Variants in GPC6 observed in about 807,000 individuals in gnomAD.
GPC6 encodes the protein glypican 6.
Under a neutral mutation model 55.2 loss-of-function variants are expected in GPC6, and 14 were observed. That is an observed-to-expected ratio of 0.25 (90% CI 0.17 to 0.40). The LOEUF is 0.40. Among genes scored for constraint, GPC6 ranks in the 10% least tolerant of loss-of-function variants. GPC6 has a pLI of 1.00. For synonymous variants in GPC6, 278 were observed against 259.6 expected, an observed-to-expected ratio of 1.07 and a Z score of -0.68; for missense variants, 641 against 708.5, an observed-to-expected ratio of 0.90 and a Z score of 1.08.
chr13:94,099,740 G>T (rs1348038622), intron 4 of GPC6, among the ~76,000 whole-genome samples: 3 of 152,058 alleles, frequency 2.0e-5, no homozygotes, highest in Non-Finnish European at 2.9e-5. Context: ...CTTATGAAAG[G>T]GTTAGAACAA....
chr13:93,958,657 G>A (rs1016401508), intron 3 of GPC6, among the ~76,000 whole-genome samples: 5 of 151,986 alleles, frequency 3.3e-5, no homozygotes, highest in African/African-American at 1.2e-4. Context: ...CTTTTTGCTT[G>A]GGGTTGCTTT....
At chr13:94,275,812 A>G (rs1178892639) in intron 4 of GPC6, among the ~76,000 whole-genome samples, 1 of 152,160 alleles carries the variant, frequency 6.6e-6, no homozygotes, top group Non-Finnish European at 1.5e-5. Flanking sequence ...AATAGCTTTT[A>G]AACATATTAA....
At chr13:93,711,536 T>A (rs1029892019) in intron 2 of GPC6, among the ~76,000 whole-genome samples, 11 of 151,746 alleles carry the variant, frequency 7.2e-5, no homozygotes, top group Non-Finnish European at 2.9e-5. Context: ...TGTCATGGTA[T>A]AGATAAAATC....
chr13:94,161,823 A>G (rs1323632379), intron 4 of GPC6, among the ~76,000 whole-genome samples: 11 of 152,170 alleles, frequency 7.2e-5, no homozygotes, highest in Admixed American at 2.6e-4. Flanking sequence ...GGTAATTTAT[A>G]TGGAAAAAGA....
intron 4 of GPC6, among the ~76,000 whole-genome samples, chr13:94,265,254 TA>T (rs1187575591): frequency 6.6e-6 from 1 of 152,150 alleles, no homozygotes; most frequent in Non-Finnish European, 1.5e-5. Context: ...TATTAAGTAT[TA>T]AACTCACATG....
chr13:93,859,995 C>G (rs1888758277), intron 3 of GPC6, among the ~76,000 whole-genome samples: 1 of 151,692 alleles, frequency 6.6e-6, no homozygotes, highest in Admixed American at 6.6e-5. Context: ...TATTTTATTT[C>G]TTTACATTCT....
chr13:94,394,625 T>C (rs1175736985), intron 7 of GPC6, among the ~76,000 whole-genome samples: 3 of 152,188 alleles, frequency 2.0e-5, no homozygotes, highest in Non-Finnish European at 2.9e-5. Flanking sequence ...CACAGACCCT[T>C]TCCGGGGGTC....
At chr13:93,859,755 C>T (rs894304571) in intron 3 of GPC6, among the ~76,000 whole-genome samples, 2 of 151,612 alleles carry the variant, frequency 1.3e-5, no homozygotes, top group Non-Finnish European at 3.0e-5. Flanking sequence ...CTGTAGAAGG[C>T]ATCTATAGAG....
chr13:94,229,311 A>G (rs1020035456), intron 4 of GPC6, among the ~76,000 whole-genome samples: 4 of 152,188 alleles, frequency 2.6e-5, no homozygotes, highest in South Asian at 4.1e-4. Context: ...GATGAGGTGT[A>G]AGCTTACTTT....
At chr13:94,105,495 A>C (rs1886021231) in intron 4 of GPC6, among the ~76,000 whole-genome samples, 1 of 152,238 alleles carries the variant, frequency 6.6e-6, no homozygotes, top group Non-Finnish European at 1.5e-5. Context: ...TGGAGAATTA[A>C]GGTGGACCTT....
At chr13:93,813,973 T>G (rs1319637271) in intron 2 of GPC6, among the ~76,000 whole-genome samples, 1 of 152,138 alleles carries the variant, frequency 6.6e-6, no homozygotes, top group African/African-American at 2.4e-5. Flanking sequence ...CTTACAATAG[T>G]TTTGCCAGTG....
At chr13:93,921,580 C>G (rs1190857579) in intron 3 of GPC6, among the ~76,000 whole-genome samples, 2 of 151,824 alleles carry the variant, frequency 1.3e-5, no homozygotes, top group Non-Finnish European at 2.9e-5. Flanking sequence ...CTGAACTTCC[C>G]CAGCCGAATT....
intron 6 of GPC6, among the ~76,000 whole-genome samples, chr13:94,321,066 C>A (rs1178292751): frequency 5.9e-5 from 9 of 152,186 alleles, no homozygotes; most frequent in African/African-American, 1.7e-4. Flanking sequence ...CGCCTTCCTC[C>A]ATCTCGCCCC....
At chr13:93,682,630 GA>G (rs1363482829) in intron 2 of GPC6, among the ~76,000 whole-genome samples, 1 of 151,878 alleles carries the variant, frequency 6.6e-6, no homozygotes, top group African/African-American at 2.4e-5. Context: ...CCTAATAATT[GA>G]AATATTTGCT....
intron 8 of GPC6, among the ~76,000 whole-genome samples, chr13:94,401,924 C>T (rs1218039797): frequency 7.3e-6 from 1 of 137,264 alleles, no homozygotes; most frequent in African/African-American, 2.8e-5. Context: ...AGAGCCAGAC[C>T]CTATGATTGA....
At chr13:93,277,863 G>A (rs1209746852) in intron 1 of GPC6, among the ~76,000 whole-genome samples, 1 of 152,142 alleles carries the variant, frequency 6.6e-6, no homozygotes, top group South Asian at 2.1e-4. Context: ...TTGAAATTAA[G>A]GGTTTTTATG....
chr13:94,054,137 A>G (rs986316433), intron 4 of GPC6, among the ~76,000 whole-genome samples: 2 of 152,200 alleles, frequency 1.3e-5, no homozygotes, highest in African/African-American at 2.4e-5. Flanking sequence ...TTCAGGTCCT[A>G]TGATCAAAGA....
intron 4 of GPC6, chr13:94,187,503 A>T (rs1051947477): frequency 6.6e-6 from 1 of 152,208 alleles, no homozygotes; most frequent in Admixed American, 6.5e-5. Flanking sequence ...AAATCGTGTC[A>T]CTTGATTATA....
At chr13:93,830,788 A>C in intron 3 of GPC6, 1 of 473,416 alleles carries the variant, frequency 2.1e-6, no homozygotes, top group Non-Finnish European at 3.8e-6. Flanking sequence ...AATACTTATC[A>C]GCAGTATAGC....
Sources: allele counts gnomAD v4.1 joint callset (sites outside exome capture counted in the v4.1 genomes callset), GRCh38; gene constraint gnomAD v4.1.1; transcripts MANE v1.5; gene names NCBI Gene and HGNC (gene_info 2026-07-23, HGNC 2026-07-21).